The following ZNF462 variants were observed in gnomAD, a reference collection of about 807,000 sequenced individuals.
ZNF462 encodes the protein zinc finger PBX1-interacting protein.
Under a neutral mutation model 201.9 loss-of-function variants are expected in ZNF462, and 10 were observed. The ratio of observed to expected loss-of-function variants is 0.05; its 90% CI spans 0.03 to 0.08. ZNF462 has a LOEUF of 0.08. Among genes scored for constraint, ZNF462 ranks in the 10% least tolerant of loss-of-function variants. The pLI is 1.00. For synonymous variants in ZNF462, 1,227 were observed against 1,193.3 expected, an observed-to-expected ratio of 1.03 and a Z score of -0.58; for missense variants, 2,523 against 3,168.3, an observed-to-expected ratio of 0.80 and a Z score of 4.89.
intron 1 of ZNF462, among the ~76,000 whole-genome samples, chr9:106,868,533 A>G (rs946733833): frequency 2.6e-5 from 4 of 152,234 alleles, no homozygotes; most frequent in Admixed American, 6.5e-5. Context: ...ACAAATATGT[A>G]CACTGTAAGT....
Position 106,929,749 on chromosome 9 carries a change from A to T in ZNF462, c.5837A>T (p.Lys1946Ile). The change falls in exon 3 of 13, where the codon AAA becomes ATA. Residue 1946 changes from lysine (K) to isoleucine (I), a missense_variant. Around this residue, in one of 15 missense-constraint regions of ZNF462, gnomAD observed 107 missense variants for 187.7 expected, o/e 0.57. Transcript: ENST00000277225. The surrounding 1 kb of genome is among the most constrained non-coding windows in gnomAD (Gnocchi z 8.7). ...GCAGATGGTGCTTTTGCAGATTTCAAACAAGAGAGGGTAAGGATATGTTTT... is the reference window on the plus strand; with the variant it reads ...GCAGATGGTGCTTTTGCAGATTTCATACAAGAGAGGGTAAGGATATGTTTT... ...KYADGAFADF[K>I]QERPFGHLEE... 2 of 1,612,396 alleles carry T rather than the reference A, an allele frequency of 1.2e-6. No homozygotes were observed. The highest frequency in any genetic ancestry group is 1.7e-6 in the Non-Finnish European group (2 of 1,179,100).
chr9:106,930,243 G>C lies in ZNF462; in HGVS notation c.5848-282G>C, dbSNP rs886653370. ...ACGTTTCACCTGCCTAGTTGAAACT[G>C]GTTTGAAAACCAGATGACTTAGTGG... On this transcript the variant is annotated intron_variant, in intron 3 of 12. Coordinates refer to ENST00000277225, the MANE Select transcript of ZNF462 (RefSeq NM_021224.6). The surrounding 1 kb of genome is among the most constrained non-coding windows in gnomAD (Gnocchi z 5.8). Among the ~76,000 whole-genome samples, 2 of 152,122 alleles carry C rather than the reference G, an allele frequency of 1.3e-5. No individual in the cohort carries two copies. The highest frequency in any genetic ancestry group is 2.9e-5 in the Non-Finnish European group (2 of 68,026).
Position 106,924,332 on chromosome 9 carries a change from AGGACCCCCTGTCCCG to A in ZNF462, c.424_438del (p.Pro142_Gly146del). On this transcript the variant is annotated inframe_deletion, in exon 3 of 13. Coordinates refer to ENST00000277225, the MANE Select transcript of ZNF462 (RefSeq NM_021224.6). This position sits in a 1 kb window ranked among gnomAD's most constrained non-coding sequence, Gnocchi z 6.2. ...GAGCTCAAGCTGAAGGGAGTTCATC[AGGACCCCCTGTCCCG>A]GGATCCTTAAATTATAATATCATGA... 1 of 1,614,174 alleles carries A rather than the reference AGGACCCCCTGTCCCG, an allele frequency of 6.2e-7. No homozygotes were observed.
chr9:106,899,226 A>ATG (rs58528960), intron 1 of ZNF462, among the ~76,000 whole-genome samples: 1,632 of 60,190 alleles, frequency 0.027, 102 homozygotes, highest in South Asian at 0.049. Context: ...ATGTGTGTGT[A>ATG]TGTGTGTGTG....
intron 1 of ZNF462, among the ~76,000 whole-genome samples, chr9:106,912,019 G>C (rs1829570324): frequency 6.6e-6 from 1 of 152,186 alleles, no homozygotes. Context: ...TCATTCACTA[G>C]ATGTTCCACA....
intron 1 of ZNF462, among the ~76,000 whole-genome samples, chr9:106,863,906 G>A (rs904748580): frequency 1.3e-5 from 2 of 152,078 alleles, no homozygotes; most frequent in Non-Finnish European, 2.9e-5. Context: ...CTCCGTGCGA[G>A]CGGCCCCGAC....
In ZNF462 at chr9:106,925,800, C is replaced by A. The variant is rs763197297; in HGVS notation, c.1888C>A (p.Pro630Thr). 4.3e-6 allele frequency: 7 copies of A among 1,614,194 alleles called. No homozygotes were observed. The highest frequency in any genetic ancestry group is 5.9e-6 in the Non-Finnish European group (7 of 1,180,022). The part of the protein sequence containing the change: ...QHKHSFCDNL[P>T]KFEGQPSSLP... ...TAAACATTCATTCTGTGACAACTTG[C>A]CAAAATTCGAGGGGCAGCCCTCAAG... is the stretch of plus-strand genomic sequence containing the variant. The change falls in exon 3 of 13, where the codon CCA (proline) becomes ACA (threonine). Residue 630 changes from proline to threonine, a missense_variant. Coordinates refer to ENST00000277225, the MANE Select transcript of ZNF462 (RefSeq NM_021224.6). This position sits in a 1 kb window ranked among gnomAD's most constrained non-coding sequence, Gnocchi z 7.9.
At position 106,923,632 on chromosome 9, in the gene ZNF462, G is replaced by T. The variant is rs771452221; in HGVS notation, c.220+29G>T. 2 of 1,603,992 alleles carry T rather than the reference G, an allele frequency of 1.2e-6. No individual in the cohort carries two copies. Among genetic ancestry groups the T allele is most frequent in the Non-Finnish European group, 8.5e-7 (1 of 1,171,100 alleles). On this transcript the variant is annotated intron_variant, in intron 2 of 12. Coordinates refer to ENST00000277225, the MANE Select transcript of ZNF462 (RefSeq NM_021224.6). The surrounding 1 kb of genome is among the most constrained non-coding windows in gnomAD (Gnocchi z 5.6). ...AATCTATACTAAACTTGGCACGGCC[G>T]ATGTATTTTAATTGCTCTTGTTTCC...
At position 106,932,660 on chromosome 9, in the gene ZNF462, C is replaced by T. The variant is rs892676554; in HGVS notation, c.6116+111C>T. 5.9e-6 allele frequency: 8 copies of T among 1,360,454 alleles called. No homozygotes were observed. The highest frequency in any genetic ancestry group is 8.2e-6 in the Non-Finnish European group (8 of 980,874). The allele number at this position is 1,360,454 out of a possible 1,614,324, so 84.3% of individuals were successfully genotyped here. A position where few individuals can be genotyped will look rare whatever the true frequency, so the allele number is the denominator to read the frequency against. On this transcript the variant is annotated intron_variant, in intron 5 of 12. Coordinates refer to ENST00000277225, the MANE Select transcript of ZNF462 (RefSeq NM_021224.6). This position sits in a 1 kb window ranked among gnomAD's most constrained non-coding sequence, Gnocchi z 6.8. ...GTAAGAAGGCCCCACTCATGGTTCA[C>T]ACCTGCTGCTATGTTACCTGGAGCC...
In ZNF462 at chr9:106,933,414, T is replaced by G. The variant is rs557268416; in HGVS notation, c.6116+865T>G. Among the ~76,000 whole-genome samples, 5 of 152,320 alleles carry G rather than the reference T, an allele frequency of 3.3e-5. No individual in the cohort carries two copies. The South Asian group carries it at 1.0e-3, about 32-fold the overall frequency. On this transcript the variant is annotated intron_variant, in intron 5 of 12. Transcript: ENST00000277225. The surrounding 1 kb of genome is among the most constrained non-coding windows in gnomAD (Gnocchi z 4.3). The stretch of plus-strand genomic sequence containing the variant: ...ATTATACAGAGCCTAATATCTAATC[T>G]TTGTCATCAGATCCATACATTGGCA...
chr9:106,901,127 G>A (rs1396088412), intron 1 of ZNF462, among the ~76,000 whole-genome samples: 2 of 151,928 alleles, frequency 1.3e-5, no homozygotes, highest in African/African-American at 4.8e-5. Context: ...CCAGTAATTG[G>A]CTAATTGGAT....
At position 106,972,376 on chromosome 9, in the gene ZNF462, C is replaced by A; in HGVS notation, c.6695+104C>A. On this transcript the variant is annotated intron_variant, in intron 8 of 12. Transcript: ENST00000277225. The surrounding 1 kb of genome is among the most constrained non-coding windows in gnomAD (Gnocchi z 4.8). Reference sequence around the variant, plus strand: ...TTTCCTACTTGGAGCTTATGGGAGGCCCTGCCCATGTGATGATGTAGGGGT... The same window carrying A: ...TTTCCTACTTGGAGCTTATGGGAGGACCTGCCCATGTGATGATGTAGGGGT... 6.8e-7 allele frequency: 1 copy of A among 1,476,958 alleles called. No homozygotes were observed. The highest frequency in any genetic ancestry group is 9.1e-7 in the Non-Finnish European group (1 of 1,100,836). The allele number at this position is 1,476,958 out of a possible 1,614,324, so 91.5% of individuals were successfully genotyped here. A position where few individuals can be genotyped will look rare whatever the true frequency, so the allele number is the denominator to read the frequency against.
At position 106,993,055 on chromosome 9, in the gene ZNF462, A is replaced by G. The variant is rs887256954; in HGVS notation, c.7056+8646A>G. Among the ~76,000 whole-genome samples, 6 of 152,264 alleles carry G rather than the reference A, an allele frequency of 3.9e-5. No individual in the cohort carries two copies. The highest frequency in any genetic ancestry group is 8.8e-5 in the Non-Finnish European group (6 of 68,010). ...CCAGTAAAACAGTGCATTGCTCATT[A>G]TATTCTTCTACAAATAGCATTAGGT... On this transcript the variant is annotated intron_variant, in intron 10 of 12. Transcript: ENST00000277225. This position sits in a 1 kb window ranked among gnomAD's most constrained non-coding sequence, Gnocchi z 4.0.
At chr9:106,879,327 T>G (rs1827978384) in intron 1 of ZNF462, among the ~76,000 whole-genome samples, 1 of 97,002 alleles carries the variant, frequency 1.0e-5, no homozygotes, top group Non-Finnish European at 2.1e-5. Flanking sequence ...AGAGAGATGC[T>G]TTCCACCCCC....
chr9:106,906,931 T>G (rs1200509500), intron 1 of ZNF462, among the ~76,000 whole-genome samples: 2 of 152,218 alleles, frequency 1.3e-5, no homozygotes, highest in African/African-American at 4.8e-5. Flanking sequence ...TCCACAACAA[T>G]GCTAACTACC....
intron 7 of ZNF462, among the ~76,000 whole-genome samples, chr9:106,956,849 C>A (rs1368664047): frequency 6.6e-6 from 1 of 152,162 alleles, no homozygotes; most frequent in East Asian, 1.9e-4. Context: ...CCTCTCTTAG[C>A]CTTCATAGAA....
chr9:106,885,297 T>G lies in ZNF462; in HGVS notation c.-31+21942T>G, dbSNP rs1828270341. The stretch of plus-strand genomic sequence containing the variant: ...TTAATCTTCACTTTCCTTCTAACTT[T>G]AAGAGCCTCATGGGAATGAAAAGAA... On this transcript the variant is annotated intron_variant, in intron 1 of 12. Transcript: ENST00000277225. This position sits in a 1 kb window ranked among gnomAD's most constrained non-coding sequence, Gnocchi z 4.1. Among the ~76,000 whole-genome samples the G allele has an allele frequency of 6.6e-6, 1 of 152,202 alleles. No homozygotes were observed. The highest frequency in any genetic ancestry group is 2.4e-5 in the African/African-American group (1 of 41,458).
chr9:106,928,422 G>A lies in ZNF462; in HGVS notation c.4510G>A (p.Ala1504Thr). The A allele has an allele frequency of 1.2e-6, 2 of 1,614,118 alleles. No individual in the cohort carries two copies. The highest frequency in any genetic ancestry group is 1.7e-6 in the Non-Finnish European group (2 of 1,180,032). Reference protein sequence around the residue: ...PGMKVKAADFAQDIDINPGAV... With the variant: ...PGMKVKAADFTQDIDINPGAV... The stretch of plus-strand genomic sequence containing the variant: ...CATGAAAGTGAAGGCTGCTGACTTT[G>A]CCCAGGACATTGACATCAACCCAGG... The change falls in exon 3 of 13, where the codon GCC becomes ACC. Residue 1504 changes from alanine to threonine, a missense_variant. Physicochemically the swap from Ala to Thr is moderately conservative, Grantham distance 58. This residue lies in a region of ZNF462 where 200 missense variants were observed against 281.3 expected (regional missense o/e 0.71). Coordinates refer to ENST00000277225, the MANE Select transcript of ZNF462 (RefSeq NM_021224.6). The surrounding 1 kb of genome is among the most constrained non-coding windows in gnomAD (Gnocchi z 9.3).
chr9:106,927,081 A>C lies in ZNF462; in HGVS notation c.3169A>C (p.Lys1057Gln), dbSNP rs1410815299. ...TTATCAGAAGAAACACCCCGAAGAA[A>C]AGGCTTCCTACTTTAGGATCCAGAA... ...VHYQKKHPEEKASYFRIQKTM... is the reference protein window; with the variant it reads ...VHYQKKHPEEQASYFRIQKTM... Residue 1057 changes from lysine to glutamine, a missense_variant, in exon 3 of 13, where the codon AAG (lysine) becomes CAG (glutamine). By Grantham distance (53) the Lys-to-Gln change is moderately conservative. This residue lies in a region of ZNF462 where 280 missense variants were observed against 321.3 expected (regional missense o/e 0.87). Coordinates refer to ENST00000277225, the MANE Select transcript of ZNF462 (RefSeq NM_021224.6). The C allele has an allele frequency of 2.5e-6, 4 of 1,613,784 alleles. No individual in the cohort carries two copies. Among genetic ancestry groups the C allele is most frequent in the Non-Finnish European group, 2.5e-6 (3 of 1,179,924 alleles).
Sources: allele counts gnomAD v4.1 joint callset (sites outside exome capture counted in the v4.1 genomes callset), GRCh38; gene constraint gnomAD v4.1.1; regional missense constraint gnomAD v4.1.1; non-coding constraint Gnocchi (gnomAD v3.1); transcripts MANE v1.5; gene names NCBI Gene and HGNC (gene_info 2026-07-23, HGNC 2026-07-21).